Variants in MALL observed in about 807,000 individuals in gnomAD.
MALL encodes the protein MAL-like protein.
In MALL, 2 loss-of-function variants were observed where a neutral mutation model predicts 10.3. That is an observed-to-expected ratio of 0.19 (90% CI 0.08 to 0.61). The LOEUF (loss-of-function observed/expected upper bound fraction) is 0.61, where lower values mean the gene tolerates loss of function less well. Among genes scored for constraint, MALL ranks in the 20% least tolerant of loss-of-function variants. The pLI is 0.88. For missense variants in MALL, 39 were observed against 115.2 expected, an observed-to-expected ratio of 0.34 and a Z score of 3.03; for synonymous variants, 27 against 51.8, an observed-to-expected ratio of 0.52 and a Z score of 2.05.
intron 1 of MALL, among the ~76,000 whole-genome samples, chr2:110,101,966 G>A (rs111758568): frequency 2.6e-5 from 4 of 152,080 alleles, no homozygotes; most frequent in African/African-American, 9.7e-5. Flanking sequence ...TGCTCCCACC[G>A]CGGCCCGGTG....
intron 1 of MALL, among the ~76,000 whole-genome samples, chr2:110,101,129 G>A (rs1559030880): frequency 6.6e-6 from 1 of 152,062 alleles, no homozygotes; most frequent in East Asian, 1.9e-4. Context: ...CCGTGTCACT[G>A]GCCCTGCAGC....
rs571526486 is a variant in MALL at position 110,106,696 on chromosome 2, C to G, written c.105+8992G>C. Among the ~76,000 whole-genome samples, 2 of 152,260 alleles carry G rather than the reference C, an allele frequency of 1.3e-5. 1 individual carries two copies. The highest frequency in any genetic ancestry group is 4.8e-5 in the African/African-American group (2 of 41,548). On this transcript the variant is annotated intron_variant, in intron 1 of 3. Coordinates refer to ENST00000272462, the MANE Select transcript of MALL (RefSeq NM_005434.5). ...ATAAAGCGTACACTTACTACACCAC[C>G]CAGCAATCATACGGGGGCATTTTCC...
chr2:110,104,402 G>A (rs1180884420), intron 1 of MALL, among the ~76,000 whole-genome samples: 6 of 152,148 alleles, frequency 3.9e-5, no homozygotes, highest in South Asian at 2.1e-4. Context: ...TTCCTTGGCT[G>A]TTCTCCACCG....
chr2:110,117,503 G>A (rs575237641), upstream of MALL, among the ~76,000 whole-genome samples: 1 of 151,884 alleles, frequency 6.6e-6, no homozygotes, highest in South Asian at 2.1e-4. Flanking sequence ...ATATGCCTTG[G>A]TCTTCTGGCT....
chr2:110,110,254 C>A (rs1468165973), intron 1 of MALL, among the ~76,000 whole-genome samples: 1 of 151,808 alleles, frequency 6.6e-6, no homozygotes, highest in Non-Finnish European at 1.5e-5. Flanking sequence ...ACCAAAAAAA[C>A]CCATGAAAGA....
chr2:110,100,650 G>A (rs567537188), intron 1 of MALL, among the ~76,000 whole-genome samples: 28 of 152,260 alleles, frequency 1.8e-4, no homozygotes, highest in African/African-American at 6.5e-4. Context: ...ATGAGTTTGT[G>A]GAAGCCCTTG....
intron 1 of MALL, among the ~76,000 whole-genome samples, chr2:110,097,095 CAA>C (rs71405880): frequency 7.2e-5 from 10 of 139,680 alleles, no homozygotes; most frequent in East Asian, 2.1e-4. Flanking sequence ...CAAAACAAAA[CAA>C]AAAAAAAAAA....
chr2:110,101,210 G>A (rs1162589915), intron 1 of MALL, among the ~76,000 whole-genome samples: 1 of 152,114 alleles, frequency 6.6e-6, no homozygotes, highest in African/African-American at 2.4e-5. Flanking sequence ...GCTTTAAAAG[G>A]CAGAGGGGCA....
At chr2:110,091,872 G>C in intron 1 of MALL, 102 bp from the exon 2 acceptor site, 1 of 1,431,548 alleles carries the variant, frequency 7.0e-7, no homozygotes. Context: ...AAGTTCAGGT[G>C]AAGTTAGGAG....
In MALL at chr2:110,107,017, C is replaced by T. The variant is rs77487085; in HGVS notation, c.105+8671G>A. On this transcript the variant is annotated intron_variant, in intron 1 of 3. Coordinates refer to ENST00000272462, the MANE Select transcript of MALL (RefSeq NM_005434.5). ...TATTTATATAACTTTCTGGAAATAA[C>T]AAAATTGTAGGAATGAAATTTGTGG... Among the ~76,000 whole-genome samples, 13 of 132,506 alleles carry T rather than the reference C, an allele frequency of 9.8e-5. 1 individual carries two copies. In the East Asian group the frequency reaches 3.0e-3, roughly 31 times the overall value. 86.9% of individuals were successfully genotyped at this position (132,506 alleles called of 152,430 possible).
At chr2:110,098,895 G>A (rs1406907928) in intron 1 of MALL, among the ~76,000 whole-genome samples, 2 of 152,044 alleles carry the variant, frequency 1.3e-5, no homozygotes, top group Non-Finnish European at 2.9e-5. Flanking sequence ...TCAGCTACTC[G>A]GGGGGCTGAG....
chr2:110,107,502 A>G (rs1395943299), intron 1 of MALL, among the ~76,000 whole-genome samples: 1 of 152,078 alleles, frequency 6.6e-6, no homozygotes, highest in African/African-American at 2.4e-5. Context: ...TAACTTGGGA[A>G]TCTCACCTTT....
intron 1 of MALL, among the ~76,000 whole-genome samples, chr2:110,113,424 A>G (rs1259533787): frequency 1.5e-5 from 2 of 131,050 alleles, no homozygotes; most frequent in Non-Finnish European, 3.2e-5. Flanking sequence ...GACGACAGCG[A>G]GACTCTGTCT....
chr2:110,115,639 C>G, intron 1 of MALL, 49 bp downstream of exon 1: 1 of 1,102,006 alleles, frequency 9.1e-7, no homozygotes, highest in Non-Finnish European at 1.2e-6. Flanking sequence ...CGAGGCCGGT[C>G]TCCCCCTCCC....
intron 1 of MALL, among the ~76,000 whole-genome samples, chr2:110,102,538 C>A (rs1433644158): frequency 1.3e-5 from 2 of 152,188 alleles, no homozygotes; most frequent in Admixed American, 6.5e-5. Context: ...GCTGGACACA[C>A]CACTCACTAG....
At chr2:110,115,386 C>T (rs1222720857) in intron 1 of MALL, among the ~76,000 whole-genome samples, 1 of 152,128 alleles carries the variant, frequency 6.6e-6, no homozygotes, top group East Asian at 1.9e-4. Flanking sequence ...AGACGGGGCA[C>T]CGAGTGGCAT....
chr2:110,110,290 T>C (rs1212802159), intron 1 of MALL, among the ~76,000 whole-genome samples: 1 of 152,048 alleles, frequency 6.6e-6, no homozygotes, highest in Non-Finnish European at 1.5e-5. Context: ...GCTGTTTCTT[T>C]GAAAAGATAA....
At chr2:110,107,356 C>T (rs1349405424) in intron 1 of MALL, among the ~76,000 whole-genome samples, 1 of 152,088 alleles carries the variant, frequency 6.6e-6, no homozygotes, top group Non-Finnish European at 1.5e-5. Context: ...GGGGGGTACA[C>T]AGAGGGAGTG....
chr2:110,097,028 G>A (rs546193300), intron 1 of MALL, among the ~76,000 whole-genome samples: 1 of 151,422 alleles, frequency 6.6e-6, no homozygotes, highest in South Asian at 2.1e-4. Context: ...TTTATCCAGA[G>A]GGGACCAGTT....
Sources: gnomAD v4.1 joint callset for allele counts (sites outside exome capture counted in the v4.1 genomes callset) on GRCh38, gnomAD v4.1.1 for gene constraint, MANE v1.5 for transcripts, NCBI Gene and HGNC (gene_info 2026-07-23, HGNC 2026-07-21) for gene names.